The following XPA variants were observed in gnomAD, a reference collection of about 807,000 sequenced individuals.
XPA encodes XPA, DNA damage recognition and repair factor.
XPA carries 27 observed loss-of-function variants against 35.7 expected under a neutral mutation model. The observed-to-expected ratio is 0.76, with a 90% CI of 0.56 to 1.04. The LOEUF (loss-of-function observed/expected upper bound fraction) is 1.04. Among genes scored for constraint, XPA ranks in the 50% least tolerant of loss-of-function variants. The pLI, the probability that XPA is intolerant of heterozygous loss-of-function variation, is 0.00. For missense variants in XPA, 354 were observed against 342.7 expected (o/e 1.03, Z -0.26); for synonymous variants, 133 against 118.4 (o/e 1.12, Z -0.80).
At chr9:97,671,083 C>T, downstream of XPA, 1 of 1,594,186 alleles carries the variant, frequency 6.3e-7, no homozygotes, top group Non-Finnish European at 8.6e-7. Flanking sequence ...TGTGTGTCCA[C>T]AGCATCACCA....
rs75133081 is a variant in XPA at position 97,683,524 on chromosome 9, T to C, written c.673+1399A>G. 2.9e-4 allele frequency among the ~76,000 whole-genome samples: 44 copies of C among 152,268 alleles called. No homozygotes were observed. The East Asian group carries it at 6.9e-3, about 24-fold the overall frequency. On this transcript the variant is annotated intron_variant, in intron 5 of 5. Coordinates refer to ENST00000375128, the MANE Select transcript of XPA (RefSeq NM_000380.4). Reference sequence around the variant, plus strand: ...AAGTAACTATATAAAAAGATGTGTATAAGGATGTTGATCATGGAGTTGCTT... The same window carrying C: ...AAGTAACTATATAAAAAGATGTGTACAAGGATGTTGATCATGGAGTTGCTT...
chr9:97,694,043 A>G (rs1192306977), intron 1 of XPA, among the ~76,000 whole-genome samples: 2 of 152,398 alleles, frequency 1.3e-5, no homozygotes, highest in East Asian at 3.9e-4. Flanking sequence ...ATTAGAATTA[A>G]GAAATAACAA....
chr9:97,667,821 G>A, the XPA span, among the ~76,000 whole-genome samples: 2 of 152,240 alleles, frequency 1.3e-5, no homozygotes, highest in Admixed American at 1.3e-4. Context: ...GTGTGGTTGC[G>A]GTCGTAACAG....
At chr9:97,667,299 A>T in the XPA span, among the ~76,000 whole-genome samples, 3 of 152,198 alleles carry the variant, frequency 2.0e-5, no homozygotes, top group Admixed American at 6.5e-5. Context: ...AATACTTCTC[A>T]TAGTATTAAT....
rs1587739792 is a variant in XPA at position 97,679,902 on chromosome 9, A to G, written c.674-4315T>C. ...TCACCTTGAAAGTATTCCTACCAAAAACATTCGACCTGAGTCTAACTGAGG... is the reference window on the plus strand; with the variant it reads ...TCACCTTGAAAGTATTCCTACCAAAGACATTCGACCTGAGTCTAACTGAGG... On this transcript the variant is annotated intron_variant, in intron 5 of 5. Coordinates refer to ENST00000375128, the MANE Select transcript of XPA (RefSeq NM_000380.4). 1.3e-5 allele frequency among the ~76,000 whole-genome samples: 2 copies of G among 152,208 alleles called. 1 individual carries two copies. The highest frequency in any genetic ancestry group is 4.8e-5 in the African/African-American group (2 of 41,458).
chr9:97,657,824 T>C, the XPA span, among the ~76,000 whole-genome samples: 1 of 151,306 alleles, frequency 6.6e-6, no homozygotes, highest in Non-Finnish European at 1.5e-5. Context: ...TTATAAACTA[T>C]GAGGATTATT....
At chr9:97,680,316 C>G (rs1828498014) in intron 5 of XPA, among the ~76,000 whole-genome samples, 1 of 152,170 alleles carries the variant, frequency 6.6e-6, no homozygotes, top group Admixed American at 6.6e-5. Context: ...TCAAGCAATT[C>G]TCTTGCCTCA....
At chr9:97,667,118 T>C in the XPA span, among the ~76,000 whole-genome samples, 1 of 152,146 alleles carries the variant, frequency 6.6e-6, no homozygotes, top group Non-Finnish European at 1.5e-5. Context: ...TCACTTCCCA[T>C]AGTTCACTAT....
At chr9:97,691,816 G>T (rs949373041) in intron 2 of XPA, among the ~76,000 whole-genome samples, 9 of 151,080 alleles carry the variant, frequency 6.0e-5, no homozygotes, top group African/African-American at 1.9e-4. Context: ...CCAGGAGGTG[G>T]AGGTTGCAGT....
At chr9:97,686,923 A>G (rs1828734912) in intron 4 of XPA, among the ~76,000 whole-genome samples, 173 bp downstream of exon 4, 1 of 152,212 alleles carries the variant, frequency 6.6e-6, no homozygotes, top group Non-Finnish European at 1.5e-5. Flanking sequence ...AAAAGAAAAA[A>G]GCAAAATGAG....
At chr9:97,659,788 A>G in the XPA span, among the ~76,000 whole-genome samples, 3 of 152,190 alleles carry the variant, frequency 2.0e-5, no homozygotes, top group Non-Finnish European at 4.4e-5. Flanking sequence ...TTGAAGATTA[A>G]GCTTTCTTTT....
chr9:97,694,574 G>A (rs1828987499), intron 1 of XPA, among the ~76,000 whole-genome samples: 1 of 152,164 alleles, frequency 6.6e-6, no homozygotes, highest in African/African-American at 2.4e-5. Context: ...AGTATCATTA[G>A]ACTCTCACCA....
At chr9:97,670,771 A>C (rs1254542034), downstream of XPA, among the ~76,000 whole-genome samples, 2 of 152,202 alleles carry the variant, frequency 1.3e-5, no homozygotes, top group African/African-American at 2.4e-5. Flanking sequence ...GGAGAGAGCT[A>C]GCTGAGCCTA....
chr9:97,664,586 A>G, the XPA span: 1 of 558,202 alleles, frequency 1.8e-6, no homozygotes, highest in Non-Finnish European at 3.2e-6. Context: ...GGACATGGCA[A>G]AAATTCCTAG....
chr9:97,693,812 T>C, intron 1 of XPA, 53 bp from the exon 2 acceptor site: 3 of 1,527,194 alleles, frequency 2.0e-6, no homozygotes, highest in Non-Finnish European at 2.7e-6. Flanking sequence ...GCCTGTATGT[T>C]ACCTTGTTCA....
intron 2 of XPA, among the ~76,000 whole-genome samples, chr9:97,691,698 A>C (rs1474793783): frequency 6.6e-6 from 1 of 151,666 alleles, no homozygotes; most frequent in African/African-American, 2.4e-5. Context: ...GGGCAACAAG[A>C]GTGAAACTCC....
chr9:97,665,415 G>C, the XPA span, among the ~76,000 whole-genome samples: 1 of 152,194 alleles, frequency 6.6e-6, no homozygotes, highest in Non-Finnish European at 1.5e-5. Flanking sequence ...AAGTGTCACA[G>C]AGTGCTTTAT....
intron 2 of XPA, among the ~76,000 whole-genome samples, chr9:97,692,823 A>G (rs1828933194): frequency 6.6e-6 from 1 of 152,190 alleles, no homozygotes; most frequent in African/African-American, 2.4e-5. Flanking sequence ...ATAAAATGTA[A>G]TATGCTTGAA....
rs983722547 is a variant in XPA, at chr9:97,687,199, T to G, written c.452A>C (p.Lys151Thr). Residue 151 changes from lysine (K) to threonine (T), a missense_variant, in exon 4 of 6, where the codon AAA (lysine) becomes ACA (threonine). By Grantham distance (78) the Lys-to-Thr change is moderately conservative. Transcript: ENST00000375128. ...CTCTCTTTTTTCTAAATCACAGTCTTTCAGAAGATATTCTTGTTTTGCCTC... is the reference window on the plus strand; with the variant it reads ...CTCTCTTTTTTCTAAATCACAGTCTGTCAGAAGATATTCTTGTTTTGCCTC... ...KTEAKQEYLL[K>T]DCDLEKREPP... 3 of 1,611,610 alleles carry G rather than the reference T, an allele frequency of 1.9e-6. No individual in the cohort carries two copies. The highest frequency in any genetic ancestry group is 2.5e-6 in the Non-Finnish European group (3 of 1,179,338).
Sources: allele counts gnomAD v4.1 joint callset (sites outside exome capture counted in the v4.1 genomes callset), GRCh38; gene constraint gnomAD v4.1.1; transcripts MANE v1.5; gene names NCBI Gene and HGNC (gene_info 2026-07-23, HGNC 2026-07-21).